Variants in ADAMTSL2 observed in about 807,000 individuals in gnomAD.
ADAMTSL2 encodes ADAMTS like 2, also known as ADAMTS-like protein 2.
Under a neutral mutation model 117.0 loss-of-function variants are expected in ADAMTSL2, and 55 were observed. The ratio of observed to expected loss-of-function variants is 0.47; its 90% CI spans 0.38 to 0.59. ADAMTSL2 has a LOEUF of 0.59. ADAMTSL2 is among the 20% of genes least tolerant of loss of function. ADAMTSL2 has a pLI of 0.00. For synonymous variants in ADAMTSL2, 572 were observed against 566.4 expected, an observed-to-expected ratio of 1.01 and a Z score of -0.14; for missense variants, 1,182 against 1,354.5, an observed-to-expected ratio of 0.87 and a Z score of 2.00.
At chr9:133,568,148 T>G in intron 13 of ADAMTSL2, 125 bp from the exon 14 acceptor site, 1 of 977,142 alleles carries the variant, frequency 1.0e-6, no homozygotes, top group Non-Finnish European at 1.5e-6. Context: ...GCTTAGCTTG[T>G]TGTGTGCGGT....
intron 12 of ADAMTSL2, among the ~76,000 whole-genome samples, chr9:133,564,641 G>A (rs867019946): frequency 0.022 from 281 of 12,944 alleles, 2 homozygotes; most frequent in African/African-American, 0.029. Flanking sequence ...AGAGAGAGAG[G>A]GAGAGAGGGA....
At position 133,537,399 on chromosome 9, in the gene ADAMTSL2, A is replaced by G; in HGVS notation, c.91-6A>G. 7.5e-7 allele frequency: 1 copy of G among 1,337,770 alleles called. No homozygotes were observed. The highest frequency in any genetic ancestry group is 9.7e-7 in the Non-Finnish European group (1 of 1,035,524). The allele number at this position is 1,337,770 out of a possible 1,614,324, so 82.9% of individuals were successfully genotyped here. On this transcript the variant is annotated splice_region_variant and splice_polypyrimidine_tract_variant and intron_variant, in intron 2 of 18. Coordinates refer to ENST00000651351, the MANE Select transcript of ADAMTSL2 (RefSeq NM_014694.4). ...CCTCTACCATCTGGGGGTCCCTCTC[A>G]CCCAGGACAACAGCCCAACATCCAA...
At position 133,539,943 on chromosome 9, in the gene ADAMTSL2, T is replaced by G; in HGVS notation, c.412+70T>G. 4 of 1,438,752 alleles carry G rather than the reference T, an allele frequency of 2.8e-6. No individual in the cohort carries two copies. In the Admixed American group the frequency reaches 5.9e-5, roughly 21 times the overall value. The allele number at this position is 1,438,752 out of a possible 1,614,324, so 89.1% of individuals were successfully genotyped here. ...CTTTGGGGGTAGCCCTTCCGGCACC[T>G]GGGACCAAACTCGACGGGTGGGCAG... On this transcript the variant is annotated intron_variant, in intron 5 of 18. Coordinates refer to ENST00000651351, the MANE Select transcript of ADAMTSL2 (RefSeq NM_014694.4).
chr9:133,573,173 G>GA (rs1370047237), intron 17 of ADAMTSL2, among the ~76,000 whole-genome samples: 7 of 152,250 alleles, frequency 4.6e-5, no homozygotes, highest in African/African-American at 1.7e-4. Flanking sequence ...GACGTGCCTG[G>GA]ATGATGTGGG....
At position 133,557,825 on chromosome 9, in the gene ADAMTSL2, G is replaced by A. The variant is rs1316160296; in HGVS notation, c.1649+1895G>A. Among the ~76,000 whole-genome samples, 1 of 152,172 alleles carries A rather than the reference G, an allele frequency of 6.6e-6. No homozygotes were observed. The highest frequency in any genetic ancestry group is 1.9e-4 in the East Asian group (1 of 5,188). ...GGGAGGCCAGCTCTCCGGCAGTCAC[G>A]GCCCTCCAAATAGAATAGGTTTATC... On this transcript the variant is annotated intron_variant, in intron 11 of 18. Coordinates refer to ENST00000651351, the MANE Select transcript of ADAMTSL2 (RefSeq NM_014694.4). The surrounding 1 kb of genome is among the most constrained non-coding windows in gnomAD (Gnocchi z 5.2).
rs1483155645 is a variant in ADAMTSL2, at chr9:133,537,445, A to G, written c.131A>G (p.Asp44Gly). ...PTSNSLEGGTDATAFWWGEWT... is the reference protein window; with the variant it reads ...PTSNSLEGGTGATAFWWGEWT... ...TCCAATAGCCTGGAGGGGGGCACCG[A>G]CGCCACGGCCTTCTGGTGGGGGGAG... Residue 44 changes from aspartate to glycine, a missense_variant, in exon 3 of 19, where the codon GAC (aspartate) becomes GGC (glycine). Around this residue, in one of 3 missense-constraint regions of ADAMTSL2, gnomAD observed 372 missense variants for 463.4 expected, o/e 0.80. Transcript: ENST00000651351. The G allele has an allele frequency of 7.4e-7, 1 of 1,346,162 alleles. No homozygotes were observed. The highest frequency in any genetic ancestry group is 1.5e-5 in the African/African-American group (1 of 66,586). The allele number at this position is 1,346,162 out of a possible 1,614,324, so 83.4% of individuals were successfully genotyped here.
chr9:133,566,904 G>T, intron 12 of ADAMTSL2, 32 bp from the exon 13 acceptor site: 1 of 1,594,138 alleles, frequency 6.3e-7, no homozygotes, highest in Non-Finnish European at 8.5e-7. Context: ...GTGCCGGCAT[G>T]GCTCACAGAC....
chr9:133,543,609 C>A (rs1446990357), intron 7 of ADAMTSL2, among the ~76,000 whole-genome samples: 1 of 152,198 alleles, frequency 6.6e-6, no homozygotes, highest in Non-Finnish European at 1.5e-5. Context: ...GGAGGGATGG[C>A]AGGCGGGTAC....
intron 12 of ADAMTSL2, among the ~76,000 whole-genome samples, chr9:133,565,604 C>G (rs764433932): frequency 1.3e-5 from 2 of 152,178 alleles, no homozygotes; most frequent in Non-Finnish European, 2.9e-5. Context: ...CAGCCTGGCT[C>G]GTCCTTTACG....
chr9:133,539,238 A>G (rs939300283), intron 4 of ADAMTSL2, among the ~76,000 whole-genome samples: 1 of 151,908 alleles, frequency 6.6e-6, no homozygotes, highest in African/African-American at 2.4e-5. Context: ...CATGAGAGGG[A>G]CCCAGGTTTG....
chr9:133,544,966 C>T (rs1484056948), intron 8 of ADAMTSL2, among the ~76,000 whole-genome samples: 1 of 151,434 alleles, frequency 6.6e-6, no homozygotes, highest in Non-Finnish European at 1.5e-5. Context: ...GATTCCGACT[C>T]AGGTCTGGGG....
At chr9:133,537,853 G>A (rs1830091062) in intron 3 of ADAMTSL2, among the ~76,000 whole-genome samples, 1 of 152,238 alleles carries the variant, frequency 6.6e-6, no homozygotes, top group African/African-American at 2.4e-5. Flanking sequence ...CTGAAGACCT[G>A]AGTGAGGGTC....
intron 12 of ADAMTSL2, among the ~76,000 whole-genome samples, chr9:133,565,384 C>T (rs1416573979): frequency 2.0e-5 from 3 of 152,266 alleles, no homozygotes; most frequent in South Asian, 2.1e-4. Context: ...CAAGGCCTGC[C>T]GCGTTTCCAC....
chr9:133,571,132 G>A (rs1831096855), intron 17 of ADAMTSL2, among the ~76,000 whole-genome samples: 1 of 152,196 alleles, frequency 6.6e-6, no homozygotes, highest in African/African-American at 2.4e-5. Flanking sequence ...CCCACCCTGA[G>A]GCCCTGAGGC....
chr9:133,554,515 C>A lies in ADAMTSL2; in HGVS notation c.1098C>A (p.His366Gln), dbSNP rs1433841926. ...DGAGLMGFVP[H>Q]NGSLYGQASS... The stretch of plus-strand genomic sequence containing the variant: ...CCGGGCTGATGGGCTTCGTCCCGCA[C>A]AACGGCTCCCTCTACGGCCAGGCCT... The change falls in exon 10 of 19, where the codon CAC (histidine) becomes CAA (glutamine). Residue 366 changes from histidine (H) to glutamine (Q), a missense_variant. Transcript: ENST00000651351. The surrounding 1 kb of genome is among the most constrained non-coding windows in gnomAD (Gnocchi z 5.2). 3 of 1,549,886 alleles carry A rather than the reference C, an allele frequency of 1.9e-6. No individual in the cohort carries two copies. Among genetic ancestry groups the A allele is most frequent in the Non-Finnish European group, 2.6e-6 (3 of 1,147,300 alleles).
rs1376628025 is a variant in ADAMTSL2 at position 133,574,945 on chromosome 9, C to G, written c.*81C>G. On this transcript the variant is annotated 3_prime_UTR_variant, in exon 19 of 19. Transcript: ENST00000651351. ...TGCAGCTTCTGGGGCCTCCACAGACCCCCCTCCTGCGGGGCACGCTGGCCT... is the reference window on the plus strand; with the variant it reads ...TGCAGCTTCTGGGGCCTCCACAGACGCCCCTCCTGCGGGGCACGCTGGCCT... 4.5e-6 allele frequency: 5 copies of G among 1,119,536 alleles called. No homozygotes were observed. The highest frequency in any genetic ancestry group is 3.1e-5 in the African/African-American group (2 of 65,036). 69.4% of individuals were successfully genotyped at this position (1,119,536 alleles called of 1,614,324 possible).
chr9:133,539,686 G>GTCCCGGCTGTCCCGGCTATCC, intron 4 of ADAMTSL2, 85 bp from the exon 5 acceptor site: 1 of 1,305,780 alleles, frequency 7.7e-7, no homozygotes, highest in South Asian at 1.3e-5. Flanking sequence ...TGTCCCGGCT[G>GTCCCGGCTGTCCCGGCTATCC]CAGCCACTTC....
At position 133,573,921 on chromosome 9, in the gene ADAMTSL2, G is replaced by C; in HGVS notation, c.2671G>C (p.Asp891His). 1.9e-6 allele frequency: 3 copies of C among 1,614,102 alleles called. No homozygotes were observed. The highest frequency in any genetic ancestry group is 2.2e-5 in the East Asian group (1 of 44,884). The stretch of plus-strand genomic sequence containing the variant: ...GGGGACCGACATCGTCCGTGGTTGC[G>C]ATCCGTTGGTGAAGCCCGTTGGCAG... ...YQGTDIVRGCDPLVKPVGRQA... is the reference protein window; with the variant it reads ...YQGTDIVRGCHPLVKPVGRQA... Residue 891 changes from aspartate to histidine, a missense_variant, in exon 18 of 19, where the codon GAT (aspartate) becomes CAT (histidine). Around this residue, in one of 3 missense-constraint regions of ADAMTSL2, gnomAD observed 465 missense variants for 565.3 expected, o/e 0.82. Transcript: ENST00000651351.
In ADAMTSL2 at chr9:133,537,433, AG is replaced by A. The variant is rs1392373004; in HGVS notation, c.125del (p.Gly42AlafsTer26). 6 of 1,345,156 alleles carry A rather than the reference AG, an allele frequency of 4.5e-6. No individual in the cohort carries two copies. The highest frequency in any genetic ancestry group is 2.5e-5 in the South Asian group (1 of 40,522). 83.3% of individuals were successfully genotyped at this position (1,345,156 alleles called of 1,614,324 possible). On this transcript the variant is annotated frameshift_variant, in exon 3 of 19. Coordinates refer to ENST00000651351, the MANE Select transcript of ADAMTSL2 (RefSeq NM_014694.4). LOFTEE classifies it high-confidence loss of function. Reference protein sequence around the residue: ...TDNSPTSNSLEGGTDATAFWW... With the variant: ...TDNSPTSNSLXGGTDATAFWW... ...AACAGCCCAACATCCAATAGCCTGG[AG>A]GGGGGCACCGACGCCACGGCCTTCT...
Sources: gnomAD v4.1 joint callset for allele counts (sites outside exome capture counted in the v4.1 genomes callset) on GRCh38, gnomAD v4.1.1 for gene constraint, gnomAD v4.1.1 regional missense constraint, Gnocchi (gnomAD v3.1) non-coding constraint, MANE v1.5 for transcripts, NCBI Gene and HGNC (gene_info 2026-07-23, HGNC 2026-07-21) for gene names.